ASB14: variants seen among roughly 807,000 people sequenced by gnomAD.
ASB14 encodes the protein ankyrin repeat and SOCS box protein 14.
A neutral mutation model predicts 55.6 loss-of-function variants in ASB14; 63 were observed. The observed-to-expected ratio is 1.13, with a 90% CI of 0.92 to 1.40. ASB14 has a LOEUF of 1.40. Ranked by LOEUF, ASB14 falls within the 40% of genes most tolerant of loss-of-function variation. The pLI is 0.00. For synonymous variants in ASB14, 256 were observed against 259.9 expected (o/e 0.98, Z 0.15); for missense variants, 724 against 710.4 (o/e 1.02, Z -0.22).
intron 2 of ASB14, among the ~76,000 whole-genome samples, chr3:57,289,603 A>C (rs1418473314): frequency 6.6e-6 from 1 of 151,976 alleles, no homozygotes; most frequent in East Asian, 1.9e-4. Context: ...GCAGTTAAGT[A>C]ATGTTTTTAT....
intron 5 of ASB14, 139 bp from the exon 6 acceptor site, chr3:57,283,578 G>T: frequency 1.2e-6 from 1 of 841,016 alleles, no homozygotes; most frequent in Non-Finnish European, 1.8e-6. Context: ...TTAGGAAACA[G>T]ATTGTAAAGT....
chr3:57,283,749 G>A (rs1359296283), intron 5 of ASB14, among the ~76,000 whole-genome samples: 1 of 151,618 alleles, frequency 6.6e-6, no homozygotes, highest in South Asian at 2.1e-4. Context: ...TAATTATTCA[G>A]TATAGTCCTG....
intron 1 of ASB14, among the ~76,000 whole-genome samples, 182 bp downstream of exon 1, chr3:57,292,451 T>A (rs2061141479): frequency 6.6e-6 from 1 of 152,192 alleles, no homozygotes; most frequent in Non-Finnish European, 1.5e-5. Flanking sequence ...GAAAATAATA[T>A]TTTACTTAAT....
chr3:57,285,755 TGGTCTTGAA>T (rs1278127677), intron 5 of ASB14, among the ~76,000 whole-genome samples: 3 of 152,148 alleles, frequency 2.0e-5, no homozygotes, highest in Non-Finnish European at 4.4e-5. Flanking sequence ...TAGCCCACCA[TGGTCTTGAA>T]GAAGCCTCTA....
At chr3:57,288,711 T>C (rs866387056) in intron 3 of ASB14, among the ~76,000 whole-genome samples, 7,259 of 92,228 alleles carry the variant, frequency 0.079, 571 homozygotes, top group African/African-American at 0.28. Flanking sequence ...ATCTTTCCTT[T>C]TTTTTTTTTT....
Position 57,269,375 on chromosome 3 carries a change from T to C in ASB14, c.*266A>G, listed in dbSNP as rs2060918925. ...TTATAGGATGGTGCCAAAATTCATT[T>C]TGGTGTTGTATTGTTTGGGTGTAGC... is the stretch of plus-strand genomic sequence containing the variant. On this transcript the variant is annotated 3_prime_UTR_variant, in exon 11 of 11. Transcript: ENST00000487349. 7.1e-6 allele frequency: 4 copies of C among 561,822 alleles called. No individual in the cohort carries two copies. The East Asian group carries it at 1.2e-4, about 17-fold the overall frequency. The allele number at this position is 561,822 out of a possible 1,614,324, so 34.8% of individuals were successfully genotyped here. A position where few individuals can be genotyped will look rare whatever the true frequency, so the allele number is the denominator to read the frequency against.
chr3:57,271,480 G>T (rs774707720), intron 10 of ASB14: 11 of 152,360 alleles, frequency 7.2e-5, no homozygotes, highest in Non-Finnish European at 1.3e-4. Context: ...TCTGTTGCCA[G>T]CATTTAAGTA....
chr3:57,269,882 TA>T (rs1468640171), intron 10 of ASB14: 1 of 576,134 alleles, frequency 1.7e-6, no homozygotes, highest in Non-Finnish European at 2.9e-6. Context: ...CCCTTAAACA[TA>T]ATGTACTATG....
At chr3:57,279,071 CAGA>C (rs2061015103) in intron 7 of ASB14, 151 bp from the exon 8 acceptor site, 1 of 694,148 alleles carries the variant, frequency 1.4e-6, no homozygotes, top group Non-Finnish European at 2.3e-6. Flanking sequence ...TTCCTTCATC[CAGA>C]AGCTCAGATA....
chr3:57,291,967 T>C lies in ASB14; in HGVS notation c.67A>G (p.Ser23Gly). Residue 23 changes from serine to glycine, a missense_variant, in exon 2 of 11, where the codon AGT becomes GGT. Transcript: ENST00000487349. The stretch of plus-strand genomic sequence containing the variant: ...CCTGGCTTATAAATATCCTGCAAAC[T>C]CTGTTGAATGATGAGCTGGGTGTCA... ...DFDTQLIIQQ[S>G]LQDIYKPGTA... is the part of the protein sequence containing the mutation. The C allele has an allele frequency of 1.3e-6, 2 of 1,536,332 alleles. No individual in the cohort carries two copies. Among genetic ancestry groups the C allele is most frequent in the South Asian group, 1.2e-5 (1 of 84,054 alleles).
chr3:57,282,115 T>C (rs960251748), intron 6 of ASB14, among the ~76,000 whole-genome samples: 2 of 152,248 alleles, frequency 1.3e-5, no homozygotes, highest in African/African-American at 4.8e-5. Flanking sequence ...CTAATGACTT[T>C]AGACATTTCT....
In ASB14 at chr3:57,288,141, C is replaced by T; in HGVS notation, c.310+14G>A. 6.5e-7 allele frequency: 1 copy of T among 1,536,650 alleles called. No individual in the cohort carries two copies. The highest frequency in any genetic ancestry group is 8.7e-7 in the Non-Finnish European group (1 of 1,146,496). On this transcript the variant is annotated intron_variant, in intron 4 of 10. Transcript: ENST00000487349. ...ATCTCTCAGAAGCATCAAGAAGAATCAAAGGGAATTTACCGCTTAGGGTTA... is the reference window on the plus strand; with the variant it reads ...ATCTCTCAGAAGCATCAAGAAGAATTAAAGGGAATTTACCGCTTAGGGTTA...
At chr3:57,289,220 A>C in intron 2 of ASB14, 97 bp from the exon 3 acceptor site, 2 of 801,010 alleles carry the variant, frequency 2.5e-6, no homozygotes, top group East Asian at 2.8e-5. Context: ...AGCAGTAGTT[A>C]ATCCGGGATG....
chr3:57,291,847 T>C (rs1385270758), intron 2 of ASB14, 65 bp downstream of exon 2: 1 of 1,382,434 alleles, frequency 7.2e-7, no homozygotes, highest in Non-Finnish European at 9.7e-7. Context: ...AGAGTTAAGC[T>C]AATGACAAGT....
At chr3:57,288,799 C>T (rs1237689811) in intron 3 of ASB14, among the ~76,000 whole-genome samples, 1 of 142,948 alleles carries the variant, frequency 7.0e-6, no homozygotes, top group Non-Finnish European at 1.5e-5. Context: ...ACTGCATCCT[C>T]CATCTCCTGG....
rs747642390 is a variant in ASB14 at position 57,287,942 on chromosome 3, G to A, written c.428C>T (p.Pro143Leu). ...ATFLLLNGCN[P>L]NAKNFEGNSP... ...ATTGCCTTCGAAATTCTTAGCATTT[G>A]GATTGCAGCCATTGAGAAGAAGAAA... Residue 143 changes from proline to leucine, a missense_variant, in exon 5 of 11, where the codon CCA becomes CTA. Pro to Leu is a moderately conservative substitution (Grantham distance 98). Coordinates refer to ENST00000487349, the MANE Select transcript of ASB14 (RefSeq NM_001142733.3). 82 of 1,537,124 alleles carry A rather than the reference G, an allele frequency of 5.3e-5. 1 individual carries two copies. The highest frequency in any genetic ancestry group is 3.3e-5 in the Non-Finnish European group (38 of 1,146,906).
At chr3:57,291,261 G>C (rs2061126054) in intron 2 of ASB14, among the ~76,000 whole-genome samples, 1 of 152,190 alleles carries the variant, frequency 6.6e-6, no homozygotes, top group Non-Finnish European at 1.5e-5. Flanking sequence ...CAGGCAAATA[G>C]AGATTACCAT....
chr3:57,278,157 T>C (rs980632349), intron 8 of ASB14, among the ~76,000 whole-genome samples: 2 of 152,200 alleles, frequency 1.3e-5, no homozygotes, highest in Non-Finnish European at 2.9e-5. Context: ...CTCACACTGC[T>C]AGGCAGAGTT....
intron 7 of ASB14, among the ~76,000 whole-genome samples, 193 bp downstream of exon 7, chr3:57,280,109 G>C (rs755554354): frequency 7.3e-6 from 1 of 137,258 alleles, no homozygotes; most frequent in African/African-American, 2.7e-5. Flanking sequence ...TCTGTCACTT[G>C]GCCAGGGTCT....
Sources: gnomAD v4.1 joint callset for allele counts (sites outside exome capture counted in the v4.1 genomes callset) on GRCh38, gnomAD v4.1.1 for gene constraint, MANE v1.5 for transcripts, NCBI Gene and HGNC (gene_info 2026-07-23, HGNC 2026-07-21) for gene names.